The following MTMR2 variants were observed in gnomAD, a reference collection of about 807,000 sequenced individuals.
MTMR2 encodes myotubularin related protein 2.
A neutral mutation model predicts 86.9 loss-of-function variants in MTMR2; 55 were observed. The ratio of observed to expected loss-of-function variants is 0.63; its 90% confidence interval spans 0.51 to 0.79. The LOEUF (loss-of-function observed/expected upper bound fraction) is 0.79, where lower values mean the gene tolerates loss of function less well. MTMR2 is among the 30% of genes least tolerant of loss of function. The pLI is 0.00. For synonymous variants in MTMR2, 241 were observed against 266.8 expected (o/e 0.90, Z 0.94); for missense variants, 659 against 772.3 (o/e 0.85, Z 1.74).
At chr11:95,900,962 C>T (rs987493176) in intron 1 of MTMR2, among the ~76,000 whole-genome samples, 2 of 152,140 alleles carry the variant, frequency 1.3e-5, no homozygotes, top group Non-Finnish European at 2.9e-5. Context: ...TTATTTGATG[C>T]TATCATCACT....
intron 1 of MTMR2, among the ~76,000 whole-genome samples, chr11:95,901,696 A>G (rs890028315): frequency 7.9e-5 from 12 of 152,300 alleles, no homozygotes; most frequent in African/African-American, 2.9e-4. Flanking sequence ...AGTGCTTATT[A>G]TCTAACTGGG....
chr11:95,859,991 T>G (rs1456771556), intron 5 of MTMR2, among the ~76,000 whole-genome samples: 2 of 152,218 alleles, frequency 1.3e-5, no homozygotes, highest in East Asian at 3.8e-4. Context: ...GAAAGTACCA[T>G]GTCAGGGGCC....
chr11:95,881,477 T>G (rs1353630642), intron 2 of MTMR2, among the ~76,000 whole-genome samples: 1 of 152,176 alleles, frequency 6.6e-6, no homozygotes. Context: ...GACTATTGAT[T>G]TACCCATCCA....
rs764176148 is a variant in MTMR2 at position 95,849,875 on chromosome 11, A to C, written c.805-13T>G. ...TCCATGATAAAACCTTAATGAGGAA[A>C]AAATGGTAACACACCTTTTACATAC... On this transcript the variant is annotated splice_polypyrimidine_tract_variant and intron_variant, in intron 8 of 14. Coordinates refer to ENST00000346299, the MANE Select transcript of MTMR2 (RefSeq NM_016156.6). 1 of 1,589,026 alleles carries C rather than the reference A, an allele frequency of 6.3e-7. No individual in the cohort carries two copies. The highest frequency in any genetic ancestry group is 2.2e-5 in the East Asian group (1 of 44,860).
At chr11:95,923,765 G>T in intron 1 of MTMR2, 110 bp downstream of exon 1, 14 of 1,493,848 alleles carry the variant, frequency 9.4e-6, no homozygotes, top group Non-Finnish European at 1.2e-5. Flanking sequence ...AGGAATTCCG[G>T]CGTAGCCTTC....
chr11:95,908,860 C>T (rs1565385952), intron 1 of MTMR2, among the ~76,000 whole-genome samples: 1 of 152,094 alleles, frequency 6.6e-6, no homozygotes, highest in Non-Finnish European at 1.5e-5. Context: ...AACAACAAAA[C>T]TTATCAGAGT....
intron 10 of MTMR2, among the ~76,000 whole-genome samples, chr11:95,846,883 T>G (rs1157155440): frequency 6.6e-6 from 1 of 152,122 alleles, no homozygotes; most frequent in East Asian, 1.9e-4. Context: ...GTAAAAATGG[T>G]CTATTTAAAA....
At chr11:95,905,522 G>A (rs531722387) in intron 1 of MTMR2, among the ~76,000 whole-genome samples, 2 of 152,104 alleles carry the variant, frequency 1.3e-5, no homozygotes, top group Non-Finnish European at 2.9e-5. Context: ...ATATGTACGG[G>A]GCTAAGAAAC....
chr11:95,856,219 G>C (rs1565355414), intron 7 of MTMR2, among the ~76,000 whole-genome samples: 2 of 125,008 alleles, frequency 1.6e-5, no homozygotes, highest in Non-Finnish European at 3.3e-5. Flanking sequence ...TTCCTAAAGG[G>C]AGGGGAACTG....
intron 7 of MTMR2, among the ~76,000 whole-genome samples, chr11:95,851,963 T>C (rs1043910941): frequency 3.9e-5 from 6 of 152,220 alleles, no homozygotes; most frequent in South Asian, 2.1e-4. Flanking sequence ...ACTTCACATA[T>C]AGGATTAATA....
chr11:95,836,417 A>C lies in MTMR2; in HGVS notation c.1594-93T>G, dbSNP rs1324712747. The C allele has an allele frequency of 2.4e-6, 3 of 1,230,186 alleles. No homozygotes were observed. In the African/African-American group the frequency reaches 4.4e-5, roughly 18 times the overall value. The allele number at this position is 1,230,186 out of a possible 1,614,324, so 76.2% of individuals were successfully genotyped here. A position where few individuals can be genotyped will look rare whatever the true frequency, so the allele number is the denominator to read the frequency against. ...TGAAGAAGTACTTTGTTGTCATTAA[A>C]ATCTCTTTAGAGGAAGTGGACTTGG... On this transcript the variant is annotated intron_variant, in intron 13 of 14. Coordinates refer to ENST00000346299, the MANE Select transcript of MTMR2 (RefSeq NM_016156.6).
chr11:95,850,256 A>C (rs1255751963), intron 8 of MTMR2, among the ~76,000 whole-genome samples: 1 of 146,432 alleles, frequency 6.8e-6, no homozygotes, highest in Admixed American at 6.8e-5. Flanking sequence ...TAAATCTGTA[A>C]GGTGTTCTTT....
intron 2 of MTMR2, among the ~76,000 whole-genome samples, chr11:95,865,924 T>TG (rs1482581903): frequency 6.6e-6 from 1 of 152,186 alleles, no homozygotes; most frequent in Non-Finnish European, 1.5e-5. Context: ...AAATTGTACA[T>TG]GTTTTTGCAC....
chr11:95,845,438 T>C (rs1863746673), intron 10 of MTMR2, among the ~76,000 whole-genome samples: 1 of 152,188 alleles, frequency 6.6e-6, no homozygotes, highest in Non-Finnish European at 1.5e-5. Flanking sequence ...GTAAGATTCT[T>C]CTTAGAAAAG....
chr11:95,917,877 C>A (rs1866768536), intron 1 of MTMR2, among the ~76,000 whole-genome samples: 1 of 152,264 alleles, frequency 6.6e-6, no homozygotes, highest in Non-Finnish European at 1.5e-5. Flanking sequence ...ACAGTTCACA[C>A]CCATGTGGTT....
intron 10 of MTMR2, among the ~76,000 whole-genome samples, chr11:95,846,620 C>A (rs1863804237): frequency 6.6e-6 from 1 of 152,110 alleles, no homozygotes; most frequent in Non-Finnish European, 1.5e-5. Flanking sequence ...TTTAGCCCAA[C>A]TATATGTCTT....
At chr11:95,919,640 T>C (rs572282519) in intron 1 of MTMR2, among the ~76,000 whole-genome samples, 1 of 152,324 alleles carries the variant, frequency 6.6e-6, no homozygotes, top group South Asian at 2.1e-4. Flanking sequence ...AACCTCATTG[T>C]GTGTAGGACT....
At chr11:95,844,803 T>C (rs1225983870) in intron 11 of MTMR2, 150 bp downstream of exon 11, 2 of 737,626 alleles carry the variant, frequency 2.7e-6, no homozygotes, top group East Asian at 2.7e-5. Context: ...GTTAGGGATA[T>C]CTTAATGCTT....
rs1392067749 is a variant in MTMR2, at chr11:95,835,370, T to G, written c.1852A>C (p.Ile618Leu). The G allele has an allele frequency of 1.1e-5, 18 of 1,613,118 alleles. No individual in the cohort carries two copies. The highest frequency in any genetic ancestry group is 1.5e-5 in the Non-Finnish European group (18 of 1,179,354). Reference protein sequence around the residue: ...QKKVEELQREISNRSTSSSER... With the variant: ...QKKVEELQRELSNRSTSSSER... ...GAGGATGAGGTTGATCGGTTAGAAA[T>G]CTCTCTCTGTAGTTCCTCTACTTTT... Residue 618 changes from isoleucine to leucine, a missense_variant, in exon 15 of 15, where the codon ATT (isoleucine) becomes CTT (leucine). Ile to Leu is a conservative substitution (Grantham distance 5, BLOSUM62 2). Around this residue, in one of 3 missense-constraint regions of MTMR2, gnomAD observed 193 missense variants for 191.6 expected, o/e 1.01. Transcript: ENST00000346299.
Sources: gnomAD v4.1 joint callset for allele counts (sites outside exome capture counted in the v4.1 genomes callset) on GRCh38, gnomAD v4.1.1 for gene constraint, gnomAD v4.1.1 regional missense constraint, MANE v1.5 for transcripts, NCBI Gene and HGNC (gene_info 2026-07-23, HGNC 2026-07-21) for gene names.